RAI1: variants seen among roughly 807,000 people sequenced by gnomAD.
RAI1 encodes retinoic acid induced 1, also known as retinoic acid-induced protein 1.
Under a neutral mutation model 123.8 loss-of-function variants are expected in RAI1, and 9 were observed. The ratio of observed to expected loss-of-function variants is 0.07; its 90% CI spans 0.04 to 0.13. The LOEUF (loss-of-function observed/expected upper bound fraction) is 0.13, where lower values mean the gene tolerates loss of function less well. RAI1 is among the 10% of genes least tolerant of loss of function. RAI1 has a pLI of 1.00. For synonymous variants in RAI1, 1,231 were observed against 1,127.3 expected (o/e 1.09, Z -1.84); for missense variants, 2,256 against 2,545.8 (o/e 0.89, Z 2.45).
rs559167496 is a variant in RAI1 at position 17,688,282 on chromosome 17, C to T, written c.-149+6489C>T. ...GGTGGATCACTTGAGGTCAGGAGTT[C>T]GAGACCAGCCTGGCCAACATGATGA... is the stretch of plus-strand genomic sequence containing the variant. On this transcript the variant is annotated intron_variant, in intron 1 of 5. Coordinates refer to ENST00000353383, the MANE Select transcript of RAI1 (RefSeq NM_030665.4). Among the ~76,000 whole-genome samples, 9 of 151,930 alleles carry T rather than the reference C, an allele frequency of 5.9e-5. No individual in the cohort carries two copies. In the South Asian group the frequency reaches 8.3e-4, roughly 14 times the overall value.
intron 2 of RAI1, among the ~76,000 whole-genome samples, chr17:17,742,673 G>A (rs1916683847): frequency 6.6e-6 from 1 of 152,218 alleles, no homozygotes; most frequent in Non-Finnish European, 1.5e-5. Context: ...TGTCCATGCT[G>A]TCCCACACCT....
chr17:17,737,769 C>T (rs1251145952), intron 2 of RAI1, among the ~76,000 whole-genome samples: 1 of 152,168 alleles, frequency 6.6e-6, no homozygotes, highest in Non-Finnish European at 1.5e-5. Flanking sequence ...TTCTCGGGCT[C>T]AGCCTGATTT....
Position 17,808,424 on chromosome 17 carries a change from T to TTTA in RAI1, c.5660-963_5660-961dup, listed in dbSNP as rs1469170284. On this transcript the variant is annotated intron_variant, in intron 4 of 5. Transcript: ENST00000353383. ...ATTTTATTTTATTTTATTATTTTAT[T>TTTA]TTATTTTATTTTATTTTATTTTATT... Among the ~76,000 whole-genome samples the TTTA allele has an allele frequency of 1.8e-3, 137 of 75,288 alleles. 1 individual carries two copies. Among genetic ancestry groups the TTTA allele is most frequent in the Admixed American group, 4.9e-3 (38 of 7,748 alleles). 49.4% of individuals were successfully genotyped at this position (75,288 alleles called of 152,430 possible). A position where few individuals can be genotyped will look rare whatever the true frequency, so the allele number is the denominator to read the frequency against.
At position 17,809,544 on chromosome 17, in the gene RAI1, C is replaced by A; in HGVS notation, c.5709+105C>A. Reference sequence around the variant, plus strand: ...CTGGGCCCCCTTGGCTGCGCAGCCCCGCAGGGCCCAGCCCTAGGGGAGGGA... The same window carrying A: ...CTGGGCCCCCTTGGCTGCGCAGCCCAGCAGGGCCCAGCCCTAGGGGAGGGA... On this transcript the variant is annotated intron_variant, in intron 5 of 5. Coordinates refer to ENST00000353383, the MANE Select transcript of RAI1 (RefSeq NM_030665.4). The surrounding 1 kb of genome is among the most constrained non-coding windows in gnomAD (Gnocchi z 4.9). The A allele has an allele frequency of 7.8e-7, 1 of 1,284,314 alleles. No individual in the cohort carries two copies. Among genetic ancestry groups the A allele is most frequent in the Non-Finnish European group, 1.1e-6 (1 of 891,664 alleles). 79.6% of individuals were successfully genotyped at this position (1,284,314 alleles called of 1,614,324 possible). A position where few individuals can be genotyped will look rare whatever the true frequency, so the allele number is the denominator to read the frequency against.
At chr17:17,717,166 C>T (rs1915737238) in intron 1 of RAI1, among the ~76,000 whole-genome samples, 1 of 152,166 alleles carries the variant, frequency 6.6e-6, no homozygotes, top group Non-Finnish European at 1.5e-5. Flanking sequence ...CAGTCTGTGG[C>T]TGCAGTTGCA....
At chr17:17,701,269 C>G (rs1299236835) in intron 1 of RAI1, among the ~76,000 whole-genome samples, 1 of 152,190 alleles carries the variant, frequency 6.6e-6, no homozygotes, top group Non-Finnish European at 1.5e-5. Flanking sequence ...CTGCCATCTC[C>G]CTGGGGATGG....
intron 2 of RAI1, among the ~76,000 whole-genome samples, chr17:17,755,359 G>A (rs1009980562): frequency 2.6e-5 from 4 of 152,226 alleles, no homozygotes; most frequent in Non-Finnish European, 5.9e-5. Flanking sequence ...AAGGAGAGGT[G>A]TAGGCCTAGA....
intron 2 of RAI1, among the ~76,000 whole-genome samples, chr17:17,786,270 T>G (rs114181593): frequency 0.013 from 1,976 of 152,348 alleles, 44 homozygotes; most frequent in African/African-American, 0.043. Context: ...CACCCACATG[T>G]GCTCTGTGTC....
chr17:17,776,453 C>T (rs1328956129), intron 2 of RAI1, among the ~76,000 whole-genome samples: 1 of 152,128 alleles, frequency 6.6e-6, no homozygotes, highest in East Asian at 1.9e-4. Context: ...TTACTGCAGC[C>T]TCCACCTCCT....
rs963548984 is a variant in RAI1, at chr17:17,793,119, G to A, written c.171G>A (p.Pro57=). 11 of 1,613,976 alleles carry A rather than the reference G, an allele frequency of 6.8e-6. No homozygotes were observed. The highest frequency in any genetic ancestry group is 5.0e-5 in the Admixed American group (3 of 60,028). The change falls in exon 3 of 6, where the codon CCG becomes CCA. Residue 57 remains proline, a synonymous_variant. Transcript: ENST00000353383. ...ACTATTATAACCCGCAGCCTTACCC[G>A]AGCTATGAGGGTGGCGCTGGCACGC... ...AKDYYNPQPY[P]SYEGGAGTPS...
intron 2 of RAI1, among the ~76,000 whole-genome samples, chr17:17,775,542 A>ATTTTGTAAACACACG (rs2031312741): frequency 6.6e-6 from 1 of 152,062 alleles, no homozygotes; most frequent in Non-Finnish European, 1.5e-5. Context: ...ATTAACACAC[A>ATTTTGTAAACACACG]TTTTGCATGT....
chr17:17,782,534 C>A (rs1481873740), intron 2 of RAI1, among the ~76,000 whole-genome samples: 1 of 151,432 alleles, frequency 6.6e-6, no homozygotes, highest in African/African-American at 2.4e-5. Context: ...TGGCAGTGGC[C>A]CCCCGCCCGC....
At chr17:17,737,453 C>T (rs1020954110) in intron 2 of RAI1, among the ~76,000 whole-genome samples, 3 of 152,200 alleles carry the variant, frequency 2.0e-5, no homozygotes, top group African/African-American at 7.2e-5. Flanking sequence ...TGCTGGAATA[C>T]TACCAGAGGG....
chr17:17,743,826 C>A (rs902058195), intron 2 of RAI1, among the ~76,000 whole-genome samples: 1 of 152,228 alleles, frequency 6.6e-6, no homozygotes, highest in Admixed American at 6.5e-5. Flanking sequence ...GGATCAGGAA[C>A]TGGCATGAGG....
At chr17:17,731,348 C>G (rs1350949442) in intron 2 of RAI1, among the ~76,000 whole-genome samples, 1 of 152,206 alleles carries the variant, frequency 6.6e-6, no homozygotes, top group Non-Finnish European at 1.5e-5. Flanking sequence ...GGGGCTGGGT[C>G]TCCAAGGGGA....
intron 4 of RAI1, among the ~76,000 whole-genome samples, chr17:17,808,427 ATT>A (rs1491331049): frequency 0.02 from 2,265 of 112,024 alleles, 127 homozygotes; most frequent in African/African-American, 0.068. Flanking sequence ...ATTTTATTTT[ATT>A]TTATTTTATT....
intron 2 of RAI1, among the ~76,000 whole-genome samples, chr17:17,775,927 C>T (rs1199925159): frequency 1.3e-5 from 2 of 152,236 alleles, no homozygotes; most frequent in South Asian, 2.1e-4. Flanking sequence ...GTCAGTCATA[C>T]CTGGCCCTGG....
intron 1 of RAI1, among the ~76,000 whole-genome samples, chr17:17,686,196 G>A (rs571990999): frequency 2.0e-5 from 3 of 152,316 alleles, no homozygotes; most frequent in African/African-American, 7.2e-5. Flanking sequence ...CAGGTGAGGT[G>A]GAGAGGGTGA....
At chr17:17,691,584 G>A (rs1005107495) in intron 1 of RAI1, among the ~76,000 whole-genome samples, 1 of 152,214 alleles carries the variant, frequency 6.6e-6, no homozygotes, top group African/African-American at 2.4e-5. Context: ...AGGCTCAGAG[G>A]CAGAAAGTGC....
Sources: allele counts gnomAD v4.1 joint callset (sites outside exome capture counted in the v4.1 genomes callset), GRCh38; gene constraint gnomAD v4.1.1; non-coding constraint Gnocchi (gnomAD v3.1); transcripts MANE v1.5; gene names NCBI Gene and HGNC (gene_info 2026-07-23, HGNC 2026-07-21).